CCDC154: variants seen among roughly 807,000 people sequenced by gnomAD.
The protein encoded by CCDC154 is coiled-coil domain containing 154.
A neutral mutation model predicts 87.5 loss-of-function variants in CCDC154; 91 were observed. The ratio of observed to expected loss-of-function variants is 1.04; its 90% CI spans 0.88 to 1.24. The LOEUF (loss-of-function observed/expected upper bound fraction) is 1.24, where lower values mean the gene tolerates loss of function less well. Ranked by LOEUF, CCDC154 falls within the 50% of genes most tolerant of loss-of-function variation. CCDC154 has a pLI of 0.00. For synonymous variants in CCDC154, 418 were observed against 400.4 expected (o/e 1.04, Z -0.52); for missense variants, 903 against 879.2 (o/e 1.03, Z -0.34).
At chr16:1,434,947 A>G (rs1282155105) in intron 15 of CCDC154, 95 bp from the exon 16 acceptor site, 9 of 1,425,892 alleles carry the variant, frequency 6.3e-6, no homozygotes, top group African/African-American at 1.4e-5. Context: ...CCTGGAAGCC[A>G]TTTATCTTCA....
Position 1,436,069 on chromosome 16 carries a change from G to A in CCDC154, c.1505C>T (p.Ala502Val). ...TAGCGTGGCCAGCTCCTGCCGCAGG[G>A]CCCCAACCTTGAACTCCCTATGGGC... ...EGKAREFKVG[A>V]LRQELATLLS... The change falls in exon 14 of 17, where the codon GCC becomes GTC. Residue 502 changes from alanine to valine, a missense_variant. Ala to Val is a moderately conservative substitution (Grantham distance 64). Transcript: ENST00000389176. The A allele has an allele frequency of 6.5e-7, 1 of 1,550,256 alleles. No individual in the cohort carries two copies. The highest frequency in any genetic ancestry group is 8.7e-7 in the Non-Finnish European group (1 of 1,146,860).
rs1165269476 is a variant in CCDC154 at position 1,444,223 on chromosome 16, G to A, written c.7+93C>T. On this transcript the variant is annotated intron_variant, in intron 1 of 16. Transcript: ENST00000389176. ...AGCACTGGGCGGCAGGAACAAGCGAGCTGGAGGGAGCCCGGGGTCAGAAGC... is the reference window on the plus strand; with the variant it reads ...AGCACTGGGCGGCAGGAACAAGCGAACTGGAGGGAGCCCGGGGTCAGAAGC... The A allele has an allele frequency of 3.2e-6, 4 of 1,235,772 alleles. No homozygotes were observed. The Admixed American group carries it at 7.6e-5, about 23-fold the overall frequency. The allele number at this position is 1,235,772 out of a possible 1,614,324, so 76.6% of individuals were successfully genotyped here.
chr16:1,436,636 G>T, intron 12 of CCDC154, 56 bp downstream of exon 12: 1 of 1,546,720 alleles, frequency 6.5e-7, no homozygotes, highest in Non-Finnish European at 8.7e-7. Flanking sequence ...AGGGAGAAGG[G>T]TCCCACGCCA....
At position 1,438,301 on chromosome 16, in the gene CCDC154, G is replaced by A. The variant is rs1290216938; in HGVS notation, c.1026-125C>T. The stretch of plus-strand genomic sequence containing the variant: ...GGAGACCCTGGGATCGGAAGATGGG[G>A]TGCGGTCACAGTGCCACCAACACGG... On this transcript the variant is annotated intron_variant, in intron 9 of 16. Coordinates refer to ENST00000389176, the MANE Select transcript of CCDC154 (RefSeq NM_001143980.3). 3.2e-6 allele frequency: 4 copies of A among 1,254,012 alleles called. No individual in the cohort carries two copies. In the African/African-American group the frequency reaches 6.1e-5, roughly 19 times the overall value. 77.7% of individuals were successfully genotyped at this position (1,254,012 alleles called of 1,614,324 possible). A position where few individuals can be genotyped will look rare whatever the true frequency, so the allele number is the denominator to read the frequency against.
At position 1,443,896 on chromosome 16, in the gene CCDC154, G is replaced by C; in HGVS notation, c.124C>G (p.Leu42Val). Residue 42 changes from leucine to valine, a missense_variant, in exon 2 of 17, where the codon CTG becomes GTG. Physicochemically the swap from Leu to Val is conservative, Grantham distance 32. Transcript: ENST00000389176. ...TCATACCTCTCCGAGAGCTCCTCCA[G>C]GCTCAAGGGCTCGGGGCTGGCCAGG... Reference protein sequence around the residue: ...GGLASPEPLSLEELSERYESS... With the variant: ...GGLASPEPLSVEELSERYESS... 7.7e-7 allele frequency: 1 copy of C among 1,304,172 alleles called. No homozygotes were observed. The highest frequency in any genetic ancestry group is 1.0e-6 in the Non-Finnish European group (1 of 988,956). The allele number at this position is 1,304,172 out of a possible 1,614,324, so 80.8% of individuals were successfully genotyped here. A position where few individuals can be genotyped will look rare whatever the true frequency, so the allele number is the denominator to read the frequency against.
chr16:1,444,388 G>T lies in CCDC154; in HGVS notation c.-66C>A. 1 of 1,287,460 alleles carries T rather than the reference G, an allele frequency of 7.8e-7. No individual in the cohort carries two copies. The highest frequency in any genetic ancestry group is 1.0e-6 in the Non-Finnish European group (1 of 983,792). The allele number at this position is 1,287,460 out of a possible 1,614,324, so 79.8% of individuals were successfully genotyped here. On this transcript the variant is annotated 5_prime_UTR_variant, in exon 1 of 17. Coordinates refer to ENST00000389176, the MANE Select transcript of CCDC154 (RefSeq NM_001143980.3). ...CTTGGGCCTTGGGGCCTCTGAGGTT[G>T]CCCAGAGCTGGGCACAGGCCAGGGG... is the stretch of plus-strand genomic sequence containing the variant.
At chr16:1,442,351 G>C (rs2142356459) in intron 6 of CCDC154, 55 bp downstream of exon 6, 2 of 1,498,882 alleles carry the variant, frequency 1.3e-6, no homozygotes, top group East Asian at 2.5e-5. Flanking sequence ...GAGAGGGTTA[G>C]GGTCTCCTCC....
chr16:1,444,256 T>C, intron 1 of CCDC154, 60 bp downstream of exon 1: 1 of 1,289,556 alleles, frequency 7.8e-7, no homozygotes, highest in Non-Finnish European at 1.0e-6. Context: ...AGCAGAGCGG[T>C]CCCCACCCTC....
rs543638828 is a variant in CCDC154, at chr16:1,438,844, G to C, written c.877C>G (p.Arg293Gly). 12 of 1,547,416 alleles carry C rather than the reference G, an allele frequency of 7.8e-6. No individual in the cohort carries two copies. The South Asian group carries it at 1.2e-4, about 15-fold the overall frequency. Residue 293 changes from arginine to glycine, a missense_variant, in exon 8 of 17, where the codon CGC (arginine) becomes GGC (glycine). Transcript: ENST00000389176. ...TGCTGCCCCTGCAGGGCCCGCAGGC[G>C]CTCCTCCATCAGCCCCCGAAGCTTC... ...WEKLRGLMEE[R>G]LRALQGQHEE...
chr16:1,442,912 C>A lies in CCDC154; in HGVS notation c.519G>T (p.Glu173Asp). The change falls in exon 5 of 17, where the codon GAG becomes GAT. Residue 173 changes from glutamate to aspartate, a missense_variant. Physicochemically the swap from Glu to Asp is conservative, Grantham distance 45. Transcript: ENST00000389176. ...CGGCCTCTTGCTCGGCGCCCCTTCT[C>A]TCCGCCTCCTGTTGCACCTGCCTCC... ...LRRRQVQQEA[E>D]RRGAEQEAGL... is the part of the protein sequence containing the mutation. 6.5e-7 allele frequency: 1 copy of A among 1,549,822 alleles called. No homozygotes were observed. The highest frequency in any genetic ancestry group is 8.7e-7 in the Non-Finnish European group (1 of 1,146,734).
At chr16:1,441,912 TTTTG>T (rs142925594) in intron 6 of CCDC154, among the ~76,000 whole-genome samples, 9,828 of 132,554 alleles carry the variant, frequency 0.074, 415 homozygotes, top group Non-Finnish European at 0.11. Context: ...TGGCCTGAGC[TTTTG>T]TTTTTTTGTT....
At position 1,436,079 on chromosome 16, in the gene CCDC154, T is replaced by C. The variant is rs546018345; in HGVS notation, c.1495A>G (p.Lys499Glu). 1 of 1,550,106 alleles carries C rather than the reference T, an allele frequency of 6.5e-7. No individual in the cohort carries two copies. Among genetic ancestry groups the C allele is most frequent in the Admixed American group, 2.0e-5 (1 of 50,996 alleles). ...ISAEGKAREFKVGALRQELAT... is the reference protein window; with the variant it reads ...ISAEGKAREFEVGALRQELAT... The stretch of plus-strand genomic sequence containing the variant: ...AGCTCCTGCCGCAGGGCCCCAACCT[T>C]GAACTCCCTATGGGCACCAGAGGCC... The change falls in exon 14 of 17, where the codon AAG (lysine) becomes GAG (glutamate). Residue 499 changes from lysine (K) to glutamate (E), a missense_variant. Physicochemically the swap from Lys to Glu is moderately conservative, Grantham distance 56. Transcript: ENST00000389176.
In CCDC154 at chr16:1,442,425, A is replaced by G; in HGVS notation, c.656T>C (p.Leu219Pro). 1.3e-6 allele frequency: 2 copies of G among 1,549,262 alleles called. No individual in the cohort carries two copies. The highest frequency in any genetic ancestry group is 1.7e-6 in the Non-Finnish European group (2 of 1,146,342). ...NQEDSSRRVD[L>P]EVARMQAQVT... is the part of the protein sequence containing the mutation. The stretch of plus-strand genomic sequence containing the variant: ...TGGTACCTGCATTCTGGCCACCTCC[A>G]GGTCCACCCTCCGGCTGCTGTCCTC... Residue 219 changes from leucine to proline, a missense_variant, in exon 6 of 17, where the codon CTG (leucine) becomes CCG (proline). Coordinates refer to ENST00000389176, the MANE Select transcript of CCDC154 (RefSeq NM_001143980.3).
At position 1,438,015 on chromosome 16, in the gene CCDC154, G is replaced by A. The variant is rs1290546345; in HGVS notation, c.1152+35C>T. ...GAGCGCCCATCCCGTGTGCGTGGGA[G>A]ACCCCGTTGGGGACATGTTGCGCTA... On this transcript the variant is annotated intron_variant, in intron 10 of 16. Transcript: ENST00000389176. 11 of 1,538,670 alleles carry A rather than the reference G, an allele frequency of 7.1e-6. No homozygotes were observed. The Admixed American group carries it at 2.2e-4, about 30-fold the overall frequency.
intron 1 of CCDC154, 33 bp from the exon 2 acceptor site, chr16:1,444,045 G>C: frequency 7.8e-7 from 1 of 1,287,272 alleles, no homozygotes; most frequent in South Asian, 1.2e-5. Flanking sequence ...CTTGCCCCTT[G>C]GGGCCCGGCC....
Position 1,442,447 on chromosome 16 carries a change from C to T in CCDC154, c.634G>A (p.Asp212Asn), listed in dbSNP as rs185070519. The change falls in exon 6 of 17, where the codon GAC becomes AAC. Residue 212 changes from aspartate (D) to asparagine (N), a missense_variant. By Grantham distance (23) the Asp-to-Asn change is conservative. Transcript: ENST00000389176. ...ACGALQKNQE[D>N]SSRRVDLEVA... ...TCCAGGTCCACCCTCCGGCTGCTGT[C>T]CTCTTGGTTCTTCTGCAGGGCGCCG... The T allele has an allele frequency of 1.9e-6, 3 of 1,550,118 alleles. No homozygotes were observed. The highest frequency in any genetic ancestry group is 2.0e-5 in the Admixed American group (1 of 50,926).
chr16:1,441,388 C>T (rs915921917), intron 6 of CCDC154, among the ~76,000 whole-genome samples: 4 of 152,216 alleles, frequency 2.6e-5, no homozygotes, highest in Non-Finnish European at 4.4e-5. Flanking sequence ...CCTCACCCAG[C>T]GTACTGCCTG....
At chr16:1,444,069 A>T (rs2038586823) in intron 1 of CCDC154, 57 bp from the exon 2 acceptor site, 12 of 1,251,928 alleles carry the variant, frequency 9.6e-6, no homozygotes, top group Admixed American at 2.3e-5. Context: ...ACTGGAGCTT[A>T]CGGGAACAAG....
Position 1,443,481 on chromosome 16 carries a change from ACCTGTGGGTGGGGG to A in CCDC154, c.414+11_414+24del. The A allele has an allele frequency of 6.9e-7, 1 of 1,444,688 alleles. No homozygotes were observed. The highest frequency in any genetic ancestry group is 9.0e-7 in the Non-Finnish European group (1 of 1,107,504). The allele number at this position is 1,444,688 out of a possible 1,614,324, so 89.5% of individuals were successfully genotyped here. ...CAACACCCAGGAAAGGGGCAGCTCG[ACCTGTGGGTGGGGG>A]AGCCGCTCACCTCCGGCGCCTCCTT... On this transcript the variant is annotated intron_variant, in intron 3 of 16. Transcript: ENST00000389176.
Sources: gnomAD v4.1 joint callset for allele counts (sites outside exome capture counted in the v4.1 genomes callset) on GRCh38, gnomAD v4.1.1 for gene constraint, MANE v1.5 for transcripts, NCBI Gene and HGNC (gene_info 2026-07-23, HGNC 2026-07-21) for gene names.